TMEM117: variants seen among roughly 807,000 people sequenced by gnomAD.
TMEM117 encodes the protein transmembrane protein 117.
TMEM117 carries 27 observed loss-of-function variants against 52.4 expected under a neutral mutation model. That is an observed-to-expected ratio of 0.51 (90% confidence interval 0.38 to 0.71). The LOEUF (loss-of-function observed/expected upper bound fraction) is 0.71, where lower values mean the gene tolerates loss of function less well. TMEM117 is among the 30% of genes least tolerant of loss of function. The pLI is 0.00. For missense variants in TMEM117, 556 were observed against 630.5 expected (o/e 0.88, Z 1.26); for synonymous variants, 215 against 206.3 (o/e 1.04, Z -0.36).
intron 2 of TMEM117, among the ~76,000 whole-genome samples, chr12:43,935,079 C>T (rs1346073618): frequency 6.6e-6 from 1 of 152,240 alleles, no homozygotes; most frequent in African/African-American, 2.4e-5. Context: ...ATGATCATGG[C>T]TCACTGCAGC....
intron 6 of TMEM117, among the ~76,000 whole-genome samples, chr12:44,360,515 C>T (rs140859371): frequency 7.9e-4 from 118 of 150,192 alleles, no homozygotes; most frequent in African/African-American, 2.5e-3. Flanking sequence ...TGCAGTGAGT[C>T]GAGATCACAC....
chr12:44,066,309 C>A (rs114761924), intron 3 of TMEM117, among the ~76,000 whole-genome samples: 1,618 of 152,220 alleles, frequency 0.011, 24 homozygotes, highest in African/African-American at 0.036. Flanking sequence ...GTGGCTTTGG[C>A]TGTAGAAGCA....
intron 5 of TMEM117, among the ~76,000 whole-genome samples, chr12:44,230,349 T>C (rs1949916593): frequency 1.3e-5 from 2 of 152,014 alleles, no homozygotes; most frequent in Admixed American, 1.3e-4. Context: ...TTTTCCCTCT[T>C]CCCCTCCACC....
intron 5 of TMEM117, among the ~76,000 whole-genome samples, chr12:44,270,649 A>C (rs1253627243): frequency 2.6e-5 from 4 of 152,030 alleles, no homozygotes; most frequent in Non-Finnish European, 5.9e-5. Context: ...TTCCAGTACT[A>C]TTTTGAATAG....
chr12:43,842,755 C>T (rs985450283), intron 1 of TMEM117, among the ~76,000 whole-genome samples: 1 of 151,822 alleles, frequency 6.6e-6, no homozygotes, highest in Non-Finnish European at 1.5e-5. Context: ...CACGCACACA[C>T]ACAATTTTTT....
chr12:43,804,879 T>G, the TMEM117 span, among the ~76,000 whole-genome samples: 1 of 152,244 alleles, frequency 6.6e-6, no homozygotes, highest in East Asian at 1.9e-4. Context: ...ATTACAATTT[T>G]GAAAAACTTT....
intron 6 of TMEM117, among the ~76,000 whole-genome samples, chr12:44,301,620 C>T (rs1370619634): frequency 6.6e-6 from 1 of 152,114 alleles, no homozygotes; most frequent in Non-Finnish European, 1.5e-5. Context: ...ATGTAGTTGC[C>T]TCTAGGGACA....
At chr12:44,279,670 C>T (rs140641180) in intron 5 of TMEM117, among the ~76,000 whole-genome samples, 157 of 152,106 alleles carry the variant, frequency 1.0e-3, no homozygotes, top group Non-Finnish European at 2.0e-3. Flanking sequence ...CATGCCACCA[C>T]GCCCGCCTAA....
intron 3 of TMEM117, among the ~76,000 whole-genome samples, chr12:43,945,006 G>A (rs1329652930): frequency 6.6e-6 from 1 of 151,964 alleles, no homozygotes; most frequent in Non-Finnish European, 1.5e-5. Flanking sequence ...AGCTACTTGG[G>A]AGGCTGAGGC....
intron 3 of TMEM117, among the ~76,000 whole-genome samples, chr12:44,134,390 G>C (rs1261622009): frequency 6.6e-6 from 1 of 151,976 alleles, no homozygotes; most frequent in Non-Finnish European, 1.5e-5. Flanking sequence ...CTAATTTTTT[G>C]GTTTTGTAGA....
chr12:44,087,753 C>T (rs1947596197), intron 3 of TMEM117, among the ~76,000 whole-genome samples: 2 of 152,156 alleles, frequency 1.3e-5, no homozygotes, highest in Admixed American at 1.3e-4. Context: ...GCATGGACCA[C>T]CACACCTGGC....
intron 3 of TMEM117, among the ~76,000 whole-genome samples, chr12:43,946,381 T>A (rs1489532288): frequency 1.9e-4 from 2 of 10,676 alleles, no homozygotes; most frequent in Admixed American, 4.5e-3. Flanking sequence ...TAATTCTGTT[T>A]TTTTTTTTTT....
intron 3 of TMEM117, among the ~76,000 whole-genome samples, chr12:43,969,506 A>T (rs1190464126): frequency 6.6e-6 from 1 of 151,262 alleles, no homozygotes; most frequent in Non-Finnish European, 1.5e-5. Flanking sequence ...TGGGCAACAG[A>T]GTGAGACTCT....
At chr12:44,132,659 G>A (rs1948433292) in intron 3 of TMEM117, among the ~76,000 whole-genome samples, 1 of 151,988 alleles carries the variant, frequency 6.6e-6, no homozygotes, top group Non-Finnish European at 1.5e-5. Flanking sequence ...TTCTAAAATT[G>A]CATTAAAAAT....
At chr12:43,927,880 T>C (rs1308865003) in intron 2 of TMEM117, among the ~76,000 whole-genome samples, 1 of 152,112 alleles carries the variant, frequency 6.6e-6, no homozygotes, top group Admixed American at 6.5e-5. Context: ...TTATTGTCTT[T>C]TAACTGGCAA....
intron 5 of TMEM117, among the ~76,000 whole-genome samples, chr12:44,230,096 G>A (rs2138449180): frequency 6.6e-6 from 1 of 152,010 alleles, no homozygotes; most frequent in East Asian, 1.9e-4. Flanking sequence ...ACCTCAGTAT[G>A]GTATTTTTTT....
intron 5 of TMEM117, among the ~76,000 whole-genome samples, chr12:44,233,504 T>A (rs1949957725): frequency 1.3e-5 from 2 of 151,428 alleles, no homozygotes; most frequent in East Asian, 3.9e-4. Context: ...CATGGTCACG[T>A]TTAATTACTT....
chr12:43,795,864 A>G, the TMEM117 span: 1 of 1,036,818 alleles, frequency 9.6e-7, no homozygotes, highest in Non-Finnish European at 1.4e-6. Context: ...GTAAGGCAGA[A>G]TCAAGGACCA....
At chr12:44,298,381 G>T (rs1208947946) in intron 5 of TMEM117, among the ~76,000 whole-genome samples, 2 of 147,448 alleles carry the variant, frequency 1.4e-5, no homozygotes. Context: ...TTTCTTTCTT[G>T]CATTTTTATC....
Sources: gnomAD v4.1 joint callset for allele counts (sites outside exome capture counted in the v4.1 genomes callset) on GRCh38, gnomAD v4.1.1 for gene constraint, MANE v1.5 for transcripts, NCBI Gene and HGNC (gene_info 2026-07-23, HGNC 2026-07-21) for gene names.